RAB6A: variants seen among roughly 807,000 people sequenced by gnomAD.
The protein encoded by RAB6A is RAB6A, member RAS oncogene family.
In RAB6A, 8 loss-of-function variants were observed where a neutral mutation model predicts 32.3. The ratio of observed to expected loss-of-function variants is 0.25; its 90% CI spans 0.15 to 0.45. RAB6A has a LOEUF of 0.45. RAB6A is among the 20% of genes least tolerant of loss of function. The pLI is 1.00. For missense variants in RAB6A, 104 were observed against 249.4 expected (o/e 0.42, Z 3.93); for synonymous variants, 73 against 82.1 (o/e 0.89, Z 0.60).
intron 1 of RAB6A, among the ~76,000 whole-genome samples, chr11:73,734,044 T>G (rs1055515788): frequency 1.3e-5 from 2 of 152,162 alleles, no homozygotes; most frequent in African/African-American, 4.8e-5. Flanking sequence ...ACCCCTGATA[T>G]ACTGTGACAA....
intron 1 of RAB6A, among the ~76,000 whole-genome samples, chr11:73,739,906 A>G (rs1287303026): frequency 2.0e-5 from 3 of 152,032 alleles, no homozygotes; most frequent in Non-Finnish European, 4.4e-5. Flanking sequence ...AAAAATACAA[A>G]AAATTAGCTG....
chr11:73,720,493 T>C (rs1946118445), intron 3 of RAB6A, among the ~76,000 whole-genome samples: 1 of 152,184 alleles, frequency 6.6e-6, no homozygotes, highest in Non-Finnish European at 1.5e-5. Flanking sequence ...ACATAACTTC[T>C]TTTTTGTCAG....
chr11:73,709,850 TACATATATACATATATACACATATAC>T (rs1413773232), intron 5 of RAB6A, among the ~76,000 whole-genome samples: 6 of 46,104 alleles, frequency 1.3e-4, no homozygotes, highest in South Asian at 9.2e-4. Flanking sequence ...CACATATATA[TACATATATACATATATACACATATAC>T]ATACATATAT....
intron 3 of RAB6A, 94 bp from the exon 4 acceptor site, chr11:73,718,812 C>T: frequency 6.2e-7 from 1 of 1,613,742 alleles, no homozygotes; most frequent in African/African-American, 1.3e-5. Flanking sequence ...ACTACAGCTG[C>T]AGCAGAATCA....
At chr11:73,699,576 C>T (rs1945709229) in intron 6 of RAB6A, among the ~76,000 whole-genome samples, 1 of 152,212 alleles carries the variant, frequency 6.6e-6, no homozygotes, top group Non-Finnish European at 1.5e-5. Context: ...GGCCTTGCTT[C>T]TCAATAATTA....
At chr11:73,737,112 C>T (rs1028698870) in intron 1 of RAB6A, among the ~76,000 whole-genome samples, 17 of 151,642 alleles carry the variant, frequency 1.1e-4, no homozygotes, top group African/African-American at 3.9e-4. Flanking sequence ...AAGAAATTTA[C>T]AACTAAAAGA....
intron 2 of RAB6A, 39 bp from the exon 3 acceptor site, chr11:73,720,938 T>C (rs767128078): frequency 2.1e-6 from 3 of 1,435,772 alleles, no homozygotes; most frequent in Admixed American, 3.4e-5. Context: ...ATAATAAGTT[T>C]AATGGTGGCC....
At chr11:73,743,418 C>T (rs1946532167) in intron 1 of RAB6A, among the ~76,000 whole-genome samples, 1 of 152,004 alleles carries the variant, frequency 6.6e-6, no homozygotes, top group Admixed American at 6.6e-5. Flanking sequence ...CCCCAGTATC[C>T]GTAAGATAAT....
At chr11:73,741,498 C>G (rs1163228382) in intron 1 of RAB6A, among the ~76,000 whole-genome samples, 1 of 151,534 alleles carries the variant, frequency 6.6e-6, no homozygotes, top group Non-Finnish European at 1.5e-5. Context: ...CCCAAAAGAG[C>G]TGAAAACATG....
In RAB6A at chr11:73,733,096, C is replaced by G. The variant is rs1030147765; in HGVS notation, c.71-2273G>C. On this transcript the variant is annotated intron_variant, in intron 1 of 7. Transcript: ENST00000336083. ...AAAGTGCTGGGATTACAAGCATGAG[C>G]GTCCACATCTGGCCTCAATTATTTT... Among the ~76,000 whole-genome samples, 3 of 152,240 alleles carry G rather than the reference C, an allele frequency of 2.0e-5. No homozygotes were observed. In the South Asian group the frequency reaches 6.2e-4, roughly 32 times the overall value.
chr11:73,679,303 A>G (rs142909039), intron 7 of RAB6A, among the ~76,000 whole-genome samples: 1 of 152,288 alleles, frequency 6.6e-6, no homozygotes, highest in African/African-American at 2.4e-5. Context: ...TAGAAAGCTC[A>G]AGTGTTAGAA....
chr11:73,705,382 T>A (rs1313371368), intron 6 of RAB6A, among the ~76,000 whole-genome samples: 1 of 152,130 alleles, frequency 6.6e-6, no homozygotes, highest in Non-Finnish European at 1.5e-5. Context: ...ACCCTGTCTT[T>A]ACTAAAAGTA....
At chr11:73,708,799 A>T (rs1214857880) in intron 5 of RAB6A, among the ~76,000 whole-genome samples, 1 of 152,214 alleles carries the variant, frequency 6.6e-6, no homozygotes. Flanking sequence ...ATTTACTTGC[A>T]AGTGTGCCCT....
At chr11:73,729,202 G>A (rs1193588645) in intron 2 of RAB6A, among the ~76,000 whole-genome samples, 11 of 152,230 alleles carry the variant, frequency 7.2e-5, no homozygotes, top group African/African-American at 2.4e-4. Context: ...GGGTTCAAGC[G>A]ATTCTCCTGG....
intron 6 of RAB6A, among the ~76,000 whole-genome samples, chr11:73,698,404 T>C (rs959490048): frequency 1.3e-5 from 2 of 152,164 alleles, no homozygotes; most frequent in Non-Finnish European, 2.9e-5. Context: ...GCAAGTTACT[T>C]GGCCTCTAAA....
intron 1 of RAB6A, among the ~76,000 whole-genome samples, chr11:73,756,506 C>G (rs553911474): frequency 6.6e-6 from 1 of 152,310 alleles, no homozygotes; most frequent in South Asian, 2.1e-4. Flanking sequence ...GCGCTTCTCT[C>G]TGCCATTACA....
chr11:73,720,381 C>G (rs1250392438), intron 3 of RAB6A, among the ~76,000 whole-genome samples: 2 of 151,938 alleles, frequency 1.3e-5, no homozygotes, highest in Non-Finnish European at 2.9e-5. Context: ...GGGGTTTCAT[C>G]ATGTTGGCCA....
At chr11:73,709,356 G>A (rs534922625) in intron 5 of RAB6A, among the ~76,000 whole-genome samples, 1 of 151,654 alleles carries the variant, frequency 6.6e-6, no homozygotes, top group Admixed American at 6.6e-5. Context: ...AGTGACGGAG[G>A]GAGGGAGAGG....
intron 2 of RAB6A, among the ~76,000 whole-genome samples, chr11:73,724,653 A>AT (rs1338414119): frequency 1.3e-5 from 2 of 151,884 alleles, no homozygotes; most frequent in African/African-American, 4.8e-5. Flanking sequence ...GGCCCGGCTA[A>AT]TTTTTTGTAT....
Sources: gnomAD v4.1 joint callset for allele counts (sites outside exome capture counted in the v4.1 genomes callset) on GRCh38, gnomAD v4.1.1 for gene constraint, MANE v1.5 for transcripts, NCBI Gene and HGNC (gene_info 2026-07-23, HGNC 2026-07-21) for gene names.